JRK: variants seen among roughly 807,000 people sequenced by gnomAD.
JRK encodes jerky protein homolog.
For missense variants in JRK, 720 were observed against 509.2 expected (o/e 1.41, Z -3.98); for synonymous variants, 303 against 218.1 (o/e 1.39, Z -3.43).
chr8:142,656,612 A>T (rs1846757833), downstream of JRK, among the ~76,000 whole-genome samples: 1 of 152,198 alleles, frequency 6.6e-6, no homozygotes, highest in African/African-American at 2.4e-5. Context: ...GATTTACCAC[A>T]GTTGCCTTTC....
chr8:142,669,435 T>C (rs921085973), intron 1 of JRK, among the ~76,000 whole-genome samples: 4 of 152,104 alleles, frequency 2.6e-5, no homozygotes, highest in Non-Finnish European at 5.9e-5. Flanking sequence ...AGCGCTGGGC[T>C]ACTGGCGAGG....
the JRK span, among the ~76,000 whole-genome samples, chr8:142,647,741 C>T: frequency 3.3e-5 from 5 of 152,142 alleles, no homozygotes; most frequent in African/African-American, 1.2e-4. Flanking sequence ...TAAATTGGTA[C>T]CAGTAGAGTG....
At chr8:142,649,784 G>C in the JRK span, among the ~76,000 whole-genome samples, 1 of 152,238 alleles carries the variant, frequency 6.6e-6, no homozygotes, top group Non-Finnish European at 1.5e-5. Flanking sequence ...ACCTCTGCTA[G>C]CACAGTGTGG....
At chr8:142,669,741 G>A (rs1190708566) in intron 1 of JRK, among the ~76,000 whole-genome samples, 191 bp downstream of exon 1, 1 of 149,740 alleles carries the variant, frequency 6.7e-6, no homozygotes, top group East Asian at 1.9e-4. Context: ...CGGCTCCCGG[G>A]AGGGGGCGCT....
rs1846945558 is a variant in JRK at position 142,662,435 on chromosome 8, G to C, written c.*1917C>G. On this transcript the variant is annotated 3_prime_UTR_variant, in exon 2 of 2. Transcript: ENST00000612905. ...TCTTGGTTAAGAGGCTCTATTAGGA[G>C]TGACACGTGAGCCCAGAAATGGCAC... 5 of 983,532 alleles carry C rather than the reference G, an allele frequency of 5.1e-6. No homozygotes were observed. The highest frequency in any genetic ancestry group is 6.3e-5 in the Admixed American group (1 of 15,884). 60.9% of individuals were successfully genotyped at this position (983,532 alleles called of 1,614,324 possible). A position where few individuals can be genotyped will look rare whatever the true frequency, so the allele number is the denominator to read the frequency against.
rs1554633918 is a variant in JRK, at chr8:142,657,965, G to A, written c.*6387C>T. ...CCAGGGTCCCTCTGTTATTGGCGCT[G>A]GGTAGGGTATGGTGGGAATCCTCCA... On this transcript the variant is annotated 3_prime_UTR_variant, in exon 2 of 2. Coordinates refer to ENST00000612905, the MANE Select transcript of JRK (RefSeq NM_003724.4). 1 of 152,294 alleles carries A rather than the reference G, an allele frequency of 6.6e-6. No homozygotes were observed. The highest frequency in any genetic ancestry group is 2.4e-5 in the African/African-American group (1 of 41,478). 9.4% of individuals were successfully genotyped at this position (152,294 alleles called of 1,614,324 possible).
chr8:142,664,130 G>A lies in JRK; in HGVS notation c.*222C>T, dbSNP rs967737298. On this transcript the variant is annotated 3_prime_UTR_variant, in exon 2 of 2. Transcript: ENST00000612905. The stretch of plus-strand genomic sequence containing the variant: ...CCTTCCAAAACATTTCCTCACTTTC[G>A]GATGACACGGCAAGTGATAAAATAA... 25 of 1,321,512 alleles carry A rather than the reference G, an allele frequency of 1.9e-5. No homozygotes were observed. Among genetic ancestry groups the A allele is most frequent in the Admixed American group, 3.5e-5 (1 of 28,704 alleles). The allele number at this position is 1,321,512 out of a possible 1,614,324, so 81.9% of individuals were successfully genotyped here.
chr8:142,645,255 C>T, the JRK span, among the ~76,000 whole-genome samples: 18 of 152,154 alleles, frequency 1.2e-4, no homozygotes, highest in East Asian at 1.2e-3. Context: ...ACTTTAAATG[C>T]GCACACAGAG....
chr8:142,668,897 G>GT (rs1847220055), intron 1 of JRK, among the ~76,000 whole-genome samples: 1 of 151,648 alleles, frequency 6.6e-6, no homozygotes, highest in Admixed American at 6.6e-5. Context: ...CGGCATCCCA[G>GT]TCCCCAGTCA....
Position 142,663,411 on chromosome 8 carries a change from C to T in JRK, c.*941G>A. On this transcript the variant is annotated 3_prime_UTR_variant, in exon 2 of 2. Transcript: ENST00000612905. The stretch of plus-strand genomic sequence containing the variant: ...ACAGCTGGGGATAAGAGCACACATA[C>T]TGCTAGAAATCTAAGCAGCCTGTTT... 1 of 985,484 alleles carries T rather than the reference C, an allele frequency of 1.0e-6. No individual in the cohort carries two copies. 61.0% of individuals were successfully genotyped at this position (985,484 alleles called of 1,614,324 possible). A position where few individuals can be genotyped will look rare whatever the true frequency, so the allele number is the denominator to read the frequency against.
In JRK at chr8:142,666,037, C is replaced by T. The variant is rs74769052; in HGVS notation, c.22G>A (p.Gly8Arg). The T allele has an allele frequency of 1.3e-3, 1,996 of 1,591,596 alleles. 17 individuals carry two copies. In the African/African-American group the frequency reaches 0.016, roughly 13 times the overall value. Residue 8 changes from glycine to arginine, a missense_variant, in exon 2 of 2, where the codon GGG (glycine) becomes AGG (arginine). Gly to Arg is a moderately radical substitution (Grantham distance 125, BLOSUM62 -2). Transcript: ENST00000612905. MASKPAAGKSRGEKRKRV... is the reference protein window; with the variant it reads MASKPAARKSRGEKRKRV... ...TTCCGCTTCTCCCCTCTGCTCTTCC[C>T]GGCAGCCGGCTTGGAGGCCATGGGG...
At position 142,666,165 on chromosome 8, in the gene JRK, C is replaced by T. The variant is rs1847123382; in HGVS notation, c.-107G>A. 6.5e-7 allele frequency: 1 copy of T among 1,541,830 alleles called. No homozygotes were observed. The highest frequency in any genetic ancestry group is 8.8e-7 in the Non-Finnish European group (1 of 1,141,764). ...CCCTTCTGGGGCTCCGTCTCTCCCT[C>T]TCCACTCTGCCTGCCTGCTCTGCTG... is the stretch of plus-strand genomic sequence containing the variant. On this transcript the variant is annotated 5_prime_UTR_variant, in exon 2 of 2. Coordinates refer to ENST00000612905, the MANE Select transcript of JRK (RefSeq NM_003724.4).
rs1435934903 is a variant in JRK, at chr8:142,658,043, G to C, written c.*6309C>G. ...TATTGCCTCTGTCCGGGTCATGGTG[G>C]GCAGGTGGGTCTGCCTCCCCTTCTG... On this transcript the variant is annotated 3_prime_UTR_variant, in exon 2 of 2. Transcript: ENST00000612905. 1.3e-5 allele frequency: 2 copies of C among 152,292 alleles called. No individual in the cohort carries two copies. Among genetic ancestry groups the C allele is most frequent in the Non-Finnish European group, 2.9e-5 (2 of 68,074 alleles). 9.4% of individuals were successfully genotyped at this position (152,292 alleles called of 1,614,324 possible). A position where few individuals can be genotyped will look rare whatever the true frequency, so the allele number is the denominator to read the frequency against.
chr8:142,648,785 C>A, the JRK span, among the ~76,000 whole-genome samples: 1 of 152,198 alleles, frequency 6.6e-6, no homozygotes. Flanking sequence ...TCCTCCAGAC[C>A]CCAGAATGGT....
the JRK span, among the ~76,000 whole-genome samples, chr8:142,649,756 G>A: frequency 1.3e-5 from 2 of 150,594 alleles, no homozygotes; most frequent in African/African-American, 4.8e-5. Flanking sequence ...TGCTGCAGGG[G>A]CAGGACCCTC....
At position 142,663,768 on chromosome 8, in the gene JRK, C is replaced by G. The variant is rs74941729; in HGVS notation, c.*584G>C. 0.05 allele frequency: 49,605 copies of G among 985,606 alleles called. 1,366 individuals are homozygous for G. Among genetic ancestry groups the G allele is most frequent in the Non-Finnish European group, 0.055 (45,826 of 830,042 alleles). The allele number at this position is 985,606 out of a possible 1,614,324, so 61.1% of individuals were successfully genotyped here. On this transcript the variant is annotated 3_prime_UTR_variant, in exon 2 of 2. Coordinates refer to ENST00000612905, the MANE Select transcript of JRK (RefSeq NM_003724.4). Reference sequence around the variant, plus strand: ...GTCATTCTGCTGAATGAGGCCACAACTGAAGTGAGATGTGCGGCCTGTTCA... The same window carrying G: ...GTCATTCTGCTGAATGAGGCCACAAGTGAAGTGAGATGTGCGGCCTGTTCA...
In JRK at chr8:142,659,680, C is replaced by G; in HGVS notation, c.*4672G>C. On this transcript the variant is annotated 3_prime_UTR_variant, in exon 2 of 2. Coordinates refer to ENST00000612905, the MANE Select transcript of JRK (RefSeq NM_003724.4). ...TCAAGGCCTCAAACAAGAGTGGCCC[C>G]TAAAACAGTTGGTAAAGGAGTGTTT... 1.0e-6 allele frequency: 1 copy of G among 985,512 alleles called. No homozygotes were observed. The highest frequency in any genetic ancestry group is 1.2e-6 in the Non-Finnish European group (1 of 829,994). 61.0% of individuals were successfully genotyped at this position (985,512 alleles called of 1,614,324 possible).
chr8:142,651,565 G>A, the JRK span, among the ~76,000 whole-genome samples: 3 of 145,484 alleles, frequency 2.1e-5, no homozygotes, highest in African/African-American at 7.6e-5. Context: ...TTTTTGGTGG[G>A]AATTTAGCCA....
the JRK span, among the ~76,000 whole-genome samples, chr8:142,644,893 T>G: frequency 6.6e-6 from 1 of 152,248 alleles, no homozygotes; most frequent in African/African-American, 2.4e-5. Context: ...AGGAGTTAGT[T>G]AATGCTTCCA....
Sources: allele counts gnomAD v4.1 joint callset (sites outside exome capture counted in the v4.1 genomes callset), GRCh38; gene constraint gnomAD v4.1.1; transcripts MANE v1.5; gene names NCBI Gene and HGNC (gene_info 2026-07-23, HGNC 2026-07-21).